DOCK1: variants seen among roughly 807,000 people sequenced by gnomAD.
The protein encoded by DOCK1 is dedicator of cytokinesis 1.
A neutral mutation model predicts 262.7 loss-of-function variants in DOCK1; 138 were observed. That is an observed-to-expected ratio of 0.53 (90% CI 0.46 to 0.61). The LOEUF is 0.61. DOCK1 is among the 20% of genes least tolerant of loss of function. The pLI is 0.00. For synonymous variants in DOCK1, 866 were observed against 867.4 expected (o/e 1.00, Z 0.03); for missense variants, 1,908 against 2,370.7 (o/e 0.80, Z 4.05).
At chr10:126,952,864 GGT>G (rs2036409981) in intron 1 of DOCK1, among the ~76,000 whole-genome samples, 26 of 142,962 alleles carry the variant, frequency 1.8e-4, no homozygotes, top group African/African-American at 7.3e-4. Flanking sequence ...TTGGTGATGT[GGT>G]AGTATTGTTA....
At position 127,012,774 on chromosome 10, in the gene DOCK1, C is replaced by A. The variant is rs1044890810; in HGVS notation, c.1201+400C>A. Among the ~76,000 whole-genome samples, 1 of 152,192 alleles carries A rather than the reference C, an allele frequency of 6.6e-6. No individual in the cohort carries two copies. The highest frequency in any genetic ancestry group is 2.4e-5 in the African/African-American group (1 of 41,456). On this transcript the variant is annotated intron_variant, in intron 12 of 51. Coordinates refer to ENST00000623213, the MANE Select transcript of DOCK1 (RefSeq NM_001290223.2). This position sits in a 1 kb window ranked among gnomAD's most constrained non-coding sequence, Gnocchi z 4.0. ...CTGAGTTCTGTCATTTAAGTGATTTCTCCGCCCCTACACTCCGCCTCACAC... is the reference window on the plus strand; with the variant it reads ...CTGAGTTCTGTCATTTAAGTGATTTATCCGCCCCTACACTCCGCCTCACAC...
rs751481585 is a variant in DOCK1 at position 127,018,796 on chromosome 10, G to T, written c.1288G>T (p.Val430Leu). The T allele has an allele frequency of 8.1e-6, 13 of 1,613,980 alleles. No individual in the cohort carries two copies. The highest frequency in any genetic ancestry group is 1.0e-5 in the Non-Finnish European group (12 of 1,179,880). The change falls in exon 13 of 52, where the codon GTG becomes TTG. Residue 430 changes from valine (V) to leucine (L), a missense_variant. Physicochemically the swap from Val to Leu is conservative, Grantham distance 32. This residue lies in a region of DOCK1 where 294 missense variants were observed against 439.9 expected (regional missense o/e 0.67). Transcript: ENST00000623213. ...FPHLVDRTTAVARKTGFPEII... is the reference protein window; with the variant it reads ...FPHLVDRTTALARKTGFPEII... ...GCATTTAGTGGACAGGACCACAGCT[G>T]TGGCTCGAAAAACAGGGTTTCCGGA...
intron 27 of DOCK1, among the ~76,000 whole-genome samples, chr10:127,215,177 G>A (rs1234704763): frequency 6.6e-6 from 1 of 152,086 alleles, no homozygotes; most frequent in East Asian, 1.9e-4. Context: ...CACACCCAAT[G>A]GACAGCTTGT....
intron 30 of DOCK1, among the ~76,000 whole-genome samples, chr10:127,340,742 G>T (rs1224452919): frequency 6.6e-6 from 1 of 152,068 alleles, no homozygotes; most frequent in African/African-American, 2.4e-5. Context: ...CTTCAACACT[G>T]ATTTAAAATG....
chr10:127,229,234 A>C (rs1404755715), intron 27 of DOCK1, among the ~76,000 whole-genome samples: 1 of 152,180 alleles, frequency 6.6e-6, no homozygotes, highest in Non-Finnish European at 1.5e-5. Context: ...AAAACAAAAC[A>C]AAACCAACCA....
intron 13 of DOCK1, 117 bp from the exon 14 acceptor site, chr10:127,023,083 A>C (rs2135448654): frequency 8.5e-7 from 1 of 1,174,636 alleles, no homozygotes; most frequent in Non-Finnish European, 1.2e-6. Context: ...AATATTTCAT[A>C]ATCATCTAAT....
At chr10:127,065,948 C>G (rs2045844033) in intron 23 of DOCK1, among the ~76,000 whole-genome samples, 2 of 152,110 alleles carry the variant, frequency 1.3e-5, no homozygotes, top group South Asian at 4.1e-4. Flanking sequence ...ACCTGCTGTG[C>G]AGTGCTGACC....
At chr10:127,021,597 A>C (rs940514719) in intron 13 of DOCK1, among the ~76,000 whole-genome samples, 1 of 152,110 alleles carries the variant, frequency 6.6e-6, no homozygotes, top group African/African-American at 2.4e-5. Context: ...GACTTGTCCA[A>C]GGTCACACAG....
At chr10:127,293,723 C>T (rs192897816) in intron 29 of DOCK1, among the ~76,000 whole-genome samples, 291 of 152,312 alleles carry the variant, frequency 1.9e-3, no homozygotes, top group Admixed American at 9.9e-3. Flanking sequence ...GCAGATTCTG[C>T]GGCTAGATCA....
At chr10:127,180,437 T>A (rs958022626) in intron 27 of DOCK1, among the ~76,000 whole-genome samples, 1 of 152,220 alleles carries the variant, frequency 6.6e-6, no homozygotes, top group African/African-American at 2.4e-5. Context: ...TGTTTTAGAA[T>A]TCATTGGACT....
At chr10:127,337,685 A>AT (rs2063261583) in intron 29 of DOCK1, among the ~76,000 whole-genome samples, 1 of 152,164 alleles carries the variant, frequency 6.6e-6, no homozygotes, top group African/African-American at 2.4e-5. Flanking sequence ...TTCTGGTTAT[A>AT]TTTTAATGTC....
intron 1 of DOCK1, among the ~76,000 whole-genome samples, chr10:126,952,980 G>T (rs907502090): frequency 6.6e-6 from 1 of 151,062 alleles, no homozygotes; most frequent in African/African-American, 2.4e-5. Flanking sequence ...GGTATTGTTG[G>T]TAGTATAGTT....
chr10:127,000,159 C>G lies in DOCK1; in HGVS notation c.850-13C>G. ...GGGTCTCCAAAATAATTTATGGAAA[C>G]TAATATTTCTAGGACCTCGGAAGCA... On this transcript the variant is annotated splice_polypyrimidine_tract_variant and intron_variant, in intron 9 of 51. Coordinates refer to ENST00000623213, the MANE Select transcript of DOCK1 (RefSeq NM_001290223.2). 1 of 1,612,918 alleles carries G rather than the reference C, an allele frequency of 6.2e-7. No individual in the cohort carries two copies. Among genetic ancestry groups the G allele is most frequent in the Non-Finnish European group, 8.5e-7 (1 of 1,179,314 alleles).
intron 29 of DOCK1, among the ~76,000 whole-genome samples, chr10:127,328,591 CAGGGACGCCAGGGACGGCAGGGATGCG>C (rs2062841834): frequency 6.6e-6 from 1 of 151,892 alleles, no homozygotes; most frequent in Non-Finnish European, 1.5e-5. Flanking sequence ...GCAAGGACGG[CAGGGACGCCAGGGACGGCAGGGATGCG>C]AGGGACGGCA....
intron 1 of DOCK1, among the ~76,000 whole-genome samples, chr10:126,915,327 G>A (rs562534164): frequency 6.6e-6 from 1 of 150,982 alleles, no homozygotes; most frequent in East Asian, 2.0e-4. Context: ...TCCTTGGGGT[G>A]TATTTTGCTA....
chr10:127,198,934 G>A (rs1045724164), intron 27 of DOCK1, among the ~76,000 whole-genome samples: 1 of 151,982 alleles, frequency 6.6e-6, no homozygotes. Context: ...GCTGGGGGCT[G>A]GCTGGAGAGA....
intron 2 of DOCK1, among the ~76,000 whole-genome samples, chr10:126,976,446 G>A (rs2038549415): frequency 6.6e-6 from 1 of 152,070 alleles, no homozygotes; most frequent in Non-Finnish European, 1.5e-5. Flanking sequence ...GTCATCCCTT[G>A]GGGATTCTGC....
chr10:127,137,896 T>C (rs2050836309), intron 27 of DOCK1: 3 of 1,614,146 alleles, frequency 1.9e-6, no homozygotes, highest in Non-Finnish European at 1.7e-6. Flanking sequence ...GATTTTTGCT[T>C]GGGAGTTGAG....
chr10:126,955,543 G>C (rs1383797909), intron 1 of DOCK1, among the ~76,000 whole-genome samples: 3 of 152,144 alleles, frequency 2.0e-5, no homozygotes, highest in African/African-American at 4.8e-5. Flanking sequence ...CCCATGTTCG[G>C]GGCACAAGGG....
Sources: gnomAD v4.1 joint callset for allele counts (sites outside exome capture counted in the v4.1 genomes callset) on GRCh38, gnomAD v4.1.1 for gene constraint, gnomAD v4.1.1 regional missense constraint, Gnocchi (gnomAD v3.1) non-coding constraint, MANE v1.5 for transcripts, NCBI Gene and HGNC (gene_info 2026-07-23, HGNC 2026-07-21) for gene names.